Variants in CDHR2 observed in about 807,000 individuals in gnomAD.
CDHR2 encodes cadherin-related family member 2.
A neutral mutation model predicts 138.6 loss-of-function variants in CDHR2; 104 were observed. That is an observed-to-expected ratio of 0.75 (90% CI 0.64 to 0.88). CDHR2 has a LOEUF of 0.88. Among genes scored for constraint, CDHR2 ranks in the 40% least tolerant of loss-of-function variants. The pLI, the probability that CDHR2 is intolerant of heterozygous loss-of-function variation, is 0.00. For synonymous variants in CDHR2, 755 were observed against 742.8 expected (o/e 1.02, Z -0.27); for missense variants, 1,624 against 1,727.6 (o/e 0.94, Z 1.06).
chr5:176,574,320 C>A, intron 7 of CDHR2, 148 bp downstream of exon 7: 1 of 642,890 alleles, frequency 1.6e-6, no homozygotes, highest in South Asian at 1.9e-5. Flanking sequence ...GGCCACCAGC[C>A]CCCCTCCCCG....
upstream of CDHR2, among the ~76,000 whole-genome samples, chr5:176,544,364 T>C (rs1313128629): frequency 4.2e-4 from 33 of 79,022 alleles, no homozygotes; most frequent in Admixed American, 5.7e-3. Context: ...TTTCTTTTCT[T>C]TCTTTCTTTC....
chr5:176,586,336 C>T (rs1346929876), intron 20 of CDHR2, among the ~76,000 whole-genome samples: 1 of 152,234 alleles, frequency 6.6e-6, no homozygotes, highest in African/African-American at 2.4e-5. Flanking sequence ...GCTGGGGCTA[C>T]AGGCATGCGC....
Position 176,553,488 on chromosome 5 carries a change from A to C in CDHR2, c.-16+4074A>C, listed in dbSNP as rs1757754668. 6.6e-6 allele frequency among the ~76,000 whole-genome samples: 1 copy of C among 152,170 alleles called. No homozygotes were observed. The highest frequency in any genetic ancestry group is 1.5e-5 in the Non-Finnish European group (1 of 68,024). ...GGAACTTTGTAATGATGATGAATCC[A>C]TCTTGATACCTGCTGGCTGCACACC... On this transcript the variant is annotated intron_variant, in intron 1 of 31. Coordinates refer to ENST00000261944, the MANE Select transcript of CDHR2 (RefSeq NM_017675.6). This position sits in a 1 kb window ranked among gnomAD's most constrained non-coding sequence, Gnocchi z 4.3.
intron 30 of CDHR2, among the ~76,000 whole-genome samples, chr5:176,591,961 G>GA (rs1758868051): frequency 2.8e-5 from 1 of 35,878 alleles, no homozygotes; most frequent in Admixed American, 2.2e-4. Context: ...GATGATGACG[G>GA]TGGTGGTGGT....
intron 2 of CDHR2, 63 bp from the exon 3 acceptor site, chr5:176,565,609 G>A: frequency 6.8e-7 from 1 of 1,466,060 alleles, no homozygotes; most frequent in African/African-American, 1.4e-5. Flanking sequence ...GCTCCCAGGG[G>A]AGCAGGTAGG....
intron 17 of CDHR2, among the ~76,000 whole-genome samples, chr5:176,583,304 C>T (rs116567602): frequency 0.013 from 1,925 of 152,326 alleles, 45 homozygotes; most frequent in African/African-American, 0.044. Context: ...CTCTTATCCA[C>T]TCCTGTGAGT....
At chr5:176,548,071 T>C (rs1279623478), upstream of CDHR2, among the ~76,000 whole-genome samples, 2 of 152,170 alleles carry the variant, frequency 1.3e-5, no homozygotes, top group Non-Finnish European at 2.9e-5. Flanking sequence ...CCTGGGCTGC[T>C]AACCTATGCA....
rs938128674 is a variant in CDHR2, at chr5:176,553,279, C to G, written c.-16+3865C>G. Among the ~76,000 whole-genome samples, 9 of 152,234 alleles carry G rather than the reference C, an allele frequency of 5.9e-5. No individual in the cohort carries two copies. The highest frequency in any genetic ancestry group is 2.2e-4 in the African/African-American group (9 of 41,458). On this transcript the variant is annotated intron_variant, in intron 1 of 31. Transcript: ENST00000261944. The surrounding 1 kb of genome is among the most constrained non-coding windows in gnomAD (Gnocchi z 4.3). ...AGGCACAGGCCTGGCTTGGGTTCTG[C>G]CCATTACTGGCTGGGCCGCGCCCTT...
In CDHR2 at chr5:176,576,001, T is replaced by A. The variant is rs1561874343; in HGVS notation, c.1010T>A (p.Ile337Asn). The A allele has an allele frequency of 6.2e-7, 1 of 1,612,708 alleles. No individual in the cohort carries two copies. The highest frequency in any genetic ancestry group is 8.5e-7 in the Non-Finnish European group (1 of 1,179,804). The change falls in exon 12 of 32, where the codon ATC becomes AAC. Residue 337 changes from isoleucine (I) to asparagine (N), a missense_variant. By Grantham distance (149) the Ile-to-Asn change is moderately radical. Around this residue, in one of 3 missense-constraint regions of CDHR2, gnomAD observed 1,061 missense variants for 1,136.6 expected, o/e 0.93. Coordinates refer to ENST00000261944, the MANE Select transcript of CDHR2 (RefSeq NM_017675.6). This position sits in a 1 kb window ranked among gnomAD's most constrained non-coding sequence, Gnocchi z 4.5. ...NIYGQEAKVS[I>N]WVTVRVMDVN... is the part of the protein sequence containing the mutation. ...TACGGGCAGGAGGCCAAGGTGAGCA[T>A]CTGGGTGACAGTGAGAGTGATGGAC...
chr5:176,583,522 A>G (rs1431149718), intron 17 of CDHR2, among the ~76,000 whole-genome samples: 1 of 152,212 alleles, frequency 6.6e-6, no homozygotes, highest in African/African-American at 2.4e-5. Context: ...CCCCAAGCAC[A>G]TGCCAGTGTT....
At position 176,559,990 on chromosome 5, in the gene CDHR2, C is replaced by A. The variant is rs1264372212; in HGVS notation, c.-15-5348C>A. 3.3e-5 allele frequency among the ~76,000 whole-genome samples: 5 copies of A among 152,302 alleles called. No individual in the cohort carries two copies. In the East Asian group the frequency reaches 7.7e-4, roughly 23 times the overall value. On this transcript the variant is annotated intron_variant, in intron 1 of 31. Transcript: ENST00000261944. ...GATTGGTTGGTTTGCATAGGAGAGG[C>A]AGGTCTGAAGGCAAGGCGCTTGCTG...
Position 176,595,691 on chromosome 5 carries a change from T to C in CDHR2, c.*19T>C. The C allele has an allele frequency of 6.4e-7, 1 of 1,553,626 alleles. No individual in the cohort carries two copies. The highest frequency in any genetic ancestry group is 8.7e-7 in the Non-Finnish European group (1 of 1,147,664). On this transcript the variant is annotated 3_prime_UTR_variant, in exon 32 of 32. Coordinates refer to ENST00000261944, the MANE Select transcript of CDHR2 (RefSeq NM_017675.6). ...CCTGTGACAGGGGCCCCCACTCTTCTGGACCCCTTGAAGAGGCCCTACCAC... is the reference window on the plus strand; with the variant it reads ...CCTGTGACAGGGGCCCCCACTCTTCCGGACCCCTTGAAGAGGCCCTACCAC...
At chr5:176,551,664 TTGGCC>T (rs1757707009) in intron 1 of CDHR2, among the ~76,000 whole-genome samples, 2 of 150,832 alleles carry the variant, frequency 1.3e-5, no homozygotes, top group South Asian at 4.2e-4. Context: ...ACTATTGGTA[TTGGCC>T]TGGACTGCCA....
chr5:176,548,465 C>G (rs752895311), upstream of CDHR2, among the ~76,000 whole-genome samples: 1 of 152,162 alleles, frequency 6.6e-6, no homozygotes, highest in African/African-American at 2.4e-5. Context: ...GGGGGCCGAG[C>G]TCCGTGGCTC....
Position 176,584,530 on chromosome 5 carries a change from G to A in CDHR2, c.2249G>A (p.Gly750Glu), listed in dbSNP as rs760571978. The change falls in exon 19 of 32, where the codon GGG (glycine) becomes GAG (glutamate). Residue 750 changes from glycine (G) to glutamate (E), a missense_variant. This residue lies in a region of CDHR2 where 1,061 missense variants were observed against 1,136.6 expected (regional missense o/e 0.93). Coordinates refer to ENST00000261944, the MANE Select transcript of CDHR2 (RefSeq NM_017675.6). ...NYFMIRGLVL[G>E]AGWAEGYLRL... ...TTCATGATCCGAGGCTTGGTGCTGG[G>A]GGCTGGGTGGGCTGAGGGCTACCTC... 6.2e-7 allele frequency: 1 copy of A among 1,613,360 alleles called. No homozygotes were observed. Among genetic ancestry groups the A allele is most frequent in the African/African-American group, 1.3e-5 (1 of 74,916 alleles).
At chr5:176,588,971 T>G in intron 21 of CDHR2, 60 bp from the exon 22 acceptor site, 4 of 1,579,250 alleles carry the variant, frequency 2.5e-6, no homozygotes, top group Non-Finnish European at 3.5e-6. Flanking sequence ...TGATCCCTGC[T>G]GGGGTGGAGG....
intron 19 of CDHR2, 129 bp downstream of exon 19, chr5:176,585,144 G>C (rs1758629690): frequency 8.5e-7 from 1 of 1,172,438 alleles, no homozygotes; most frequent in Non-Finnish European, 1.2e-6. Flanking sequence ...GCAAATACTG[G>C]GAAAGTCCCA....
In CDHR2 at chr5:176,584,954, G is replaced by T; in HGVS notation, c.2673G>T (p.Thr891=). The T allele has an allele frequency of 6.4e-7, 1 of 1,573,560 alleles. No homozygotes were observed. The highest frequency in any genetic ancestry group is 2.4e-5 in the East Asian group (1 of 42,004). Reference sequence around the variant, plus strand: ...ACTACGAGGCCTGTGACCTGGTCACGCTGGTTGTGCGGGCCTGTGACCTAG... The same window carrying T: ...ACTACGAGGCCTGTGACCTGGTCACTCTGGTTGTGCGGGCCTGTGACCTAG... ...AIDYEACDLV[T]LVVRACDLAT... The change falls in exon 19 of 32, where the codon ACG becomes ACT. Residue 891 remains threonine (T), a synonymous_variant. Transcript: ENST00000261944.
rs916329952 is a variant in CDHR2 at position 176,590,632 on chromosome 5, G to A, written c.3484G>A (p.Ala1162Thr). The part of the protein sequence containing the change: ...LISVIIGLGV[A>T]LLLVLVIMTM... ...CAGTGTCATCATAGGATTGGGAGTGGCTTTGCTGCTGGTCCTTGTGATCAT... is the reference window on the plus strand; with the variant it reads ...CAGTGTCATCATAGGATTGGGAGTGACTTTGCTGCTGGTCCTTGTGATCAT... The change falls in exon 28 of 32, where the codon GCT (alanine) becomes ACT (threonine). Residue 1162 changes from alanine to threonine, a missense_variant. Ala to Thr is a moderately conservative substitution (Grantham distance 58). Coordinates refer to ENST00000261944, the MANE Select transcript of CDHR2 (RefSeq NM_017675.6). 1.4e-5 allele frequency: 22 copies of A among 1,613,994 alleles called. No homozygotes were observed. The highest frequency in any genetic ancestry group is 1.9e-5 in the Non-Finnish European group (22 of 1,180,022).
Sources: gnomAD v4.1 joint callset for allele counts (sites outside exome capture counted in the v4.1 genomes callset) on GRCh38, gnomAD v4.1.1 for gene constraint, gnomAD v4.1.1 regional missense constraint, Gnocchi (gnomAD v3.1) non-coding constraint, MANE v1.5 for transcripts, NCBI Gene and HGNC (gene_info 2026-07-23, HGNC 2026-07-21) for gene names.